The following ITSN1 variants were observed in gnomAD, a reference collection of about 807,000 sequenced individuals.
ITSN1 encodes the protein intersectin 1.
A neutral mutation model predicts 239.8 loss-of-function variants in ITSN1; 58 were observed. The ratio of observed to expected loss-of-function variants is 0.24; its 90% confidence interval spans 0.20 to 0.30. The LOEUF (loss-of-function observed/expected upper bound fraction) is 0.30, where lower values mean the gene tolerates loss of function less well. ITSN1 is among the 10% of genes least tolerant of loss of function. The probability of loss-of-function intolerance (pLI) is 1.00; values close to 1 mark genes in which losing one functional copy is unlikely to be tolerated. For missense variants in ITSN1, 1,558 were observed against 2,103.3 expected (o/e 0.74, Z 5.07); for synonymous variants, 780 against 770.8 (o/e 1.01, Z -0.20).
At chr21:33,654,736 T>C (rs1046374543) in intron 1 of ITSN1, among the ~76,000 whole-genome samples, 1 of 152,214 alleles carries the variant, frequency 6.6e-6, no homozygotes, top group Non-Finnish European at 1.5e-5. Context: ...TTGGGAGTTA[T>C]AAGCAGTTAT....
At position 33,680,285 on chromosome 21, in the gene ITSN1, A is replaced by G. The variant is rs2090864368; in HGVS notation, c.-33+37572A>G. 5.3e-5 allele frequency among the ~76,000 whole-genome samples: 8 copies of G among 150,262 alleles called. No individual in the cohort carries two copies. In the South Asian group the frequency reaches 8.4e-4, roughly 16 times the overall value. ...CTTTCTCTAACTCAGGACAGTGCTG[A>G]GGAATGTTTTCATTGGTGCCGTATT... On this transcript the variant is annotated intron_variant, in intron 1 of 39. Coordinates refer to ENST00000381318, the MANE Select transcript of ITSN1 (RefSeq NM_003024.3).
At chr21:33,803,252 G>C (rs2072148195) in intron 20 of ITSN1, among the ~76,000 whole-genome samples, 1 of 152,178 alleles carries the variant, frequency 6.6e-6, no homozygotes, top group Non-Finnish European at 1.5e-5. Flanking sequence ...CGATTTGGAA[G>C]GCAATTTGGC....
intron 5 of ITSN1, chr21:33,735,487 T>G (rs1228940487): frequency 2.6e-6 from 1 of 382,100 alleles, no homozygotes; most frequent in Non-Finnish European, 4.8e-6. Context: ...CTGGGTTTTT[T>G]TTTTTTTTTC....
At chr21:33,740,895 T>C (rs2066805936) in intron 5 of ITSN1, among the ~76,000 whole-genome samples, 1 of 152,154 alleles carries the variant, frequency 6.6e-6, no homozygotes, top group African/African-American at 2.4e-5. Context: ...TGAGATCCTA[T>C]TTATATTTTT....
rs945501194 is a variant in ITSN1, at chr21:33,856,999, A to G, written c.3783+142A>G. 1.7e-5 allele frequency: 13 copies of G among 752,802 alleles called. No homozygotes were observed. In the African/African-American group the frequency reaches 2.3e-4, roughly 13 times the overall value. 46.6% of individuals were successfully genotyped at this position (752,802 alleles called of 1,614,324 possible). ...GAGGAGCATCTGGATGGCAAATGCTATAGGAGATTGCGACCGCAGAGACGG... is the reference window on the plus strand; with the variant it reads ...GAGGAGCATCTGGATGGCAAATGCTGTAGGAGATTGCGACCGCAGAGACGG... On this transcript the variant is annotated intron_variant, in intron 30 of 39. Coordinates refer to ENST00000381318, the MANE Select transcript of ITSN1 (RefSeq NM_003024.3).
intron 9 of ITSN1, 147 bp downstream of exon 9, chr21:33,762,133 TATA>T: frequency 1.5e-6 from 1 of 658,168 alleles, no homozygotes; most frequent in Non-Finnish European, 2.7e-6. Context: ...TTGCCTCTTT[TATA>T]ATACTATTTC....
At chr21:33,722,504 A>AT in intron 3 of ITSN1, 84 bp from the exon 4 acceptor site, 1 of 1,460,796 alleles carries the variant, frequency 6.8e-7, no homozygotes, top group South Asian at 1.4e-5. Flanking sequence ...CTCTTTGTAA[A>AT]TTTTGTAATT....
At position 33,701,843 on chromosome 21, in the gene ITSN1, G is replaced by A. The variant is rs536027969; in HGVS notation, c.-32-16954G>A. 1.4e-4 allele frequency among the ~76,000 whole-genome samples: 21 copies of A among 151,774 alleles called. No homozygotes were observed. The East Asian group carries it at 3.2e-3, about 23-fold the overall frequency. On this transcript the variant is annotated intron_variant, in intron 1 of 39. Coordinates refer to ENST00000381318, the MANE Select transcript of ITSN1 (RefSeq NM_003024.3). ...AGCACTTTGGGAGGCTGAGGTGGGC[G>A]GATTGCCTGAGCTCAGGAGTTCCAG... is the stretch of plus-strand genomic sequence containing the variant.
At chr21:33,726,825 A>C (rs1601862079) in intron 4 of ITSN1, among the ~76,000 whole-genome samples, 1 of 152,330 alleles carries the variant, frequency 6.6e-6, no homozygotes, top group East Asian at 1.9e-4. Flanking sequence ...TCCAGCAAAG[A>C]AGAGAAGTTT....
At chr21:33,672,062 T>C (rs966249762) in intron 1 of ITSN1, among the ~76,000 whole-genome samples, 4 of 151,896 alleles carry the variant, frequency 2.6e-5, no homozygotes, top group African/African-American at 9.7e-5. Context: ...CTGACCAACA[T>C]GGAGAAACTC....
At chr21:33,811,698 G>A (rs2072928699) in intron 21 of ITSN1, among the ~76,000 whole-genome samples, 1 of 152,120 alleles carries the variant, frequency 6.6e-6, no homozygotes, top group Non-Finnish European at 1.5e-5. Flanking sequence ...TTATACAAAT[G>A]TACAGTAGAA....
Position 33,802,458 on chromosome 21 carries a change from A to G in ITSN1, c.2319+14A>G. 2 of 1,610,328 alleles carry G rather than the reference A, an allele frequency of 1.2e-6. No individual in the cohort carries two copies. The highest frequency in any genetic ancestry group is 1.7e-4 in the Middle Eastern group (1 of 6,058). ...AAAGGGGAATGGGTAAGTGTTGCCT[A>G]ACTGTCAGGAAGTCTGCATCTTATT... On this transcript the variant is annotated intron_variant, in intron 20 of 39. Coordinates refer to ENST00000381318, the MANE Select transcript of ITSN1 (RefSeq NM_003024.3).
At chr21:33,827,200 G>A (rs1206087223) in intron 26 of ITSN1, among the ~76,000 whole-genome samples, 1 of 152,124 alleles carries the variant, frequency 6.6e-6, no homozygotes, top group African/African-American at 2.4e-5. Context: ...AGGAGTTTAA[G>A]ACCAGCCTGG....
At chr21:33,754,569 A>C (rs1389586176) in intron 7 of ITSN1, among the ~76,000 whole-genome samples, 3 of 152,370 alleles carry the variant, frequency 2.0e-5, no homozygotes, top group African/African-American at 7.2e-5. Context: ...TTGTGTGGAC[A>C]GTGGCATCTG....
At chr21:33,690,459 T>G (rs1181483929) in intron 1 of ITSN1, among the ~76,000 whole-genome samples, 1 of 146,256 alleles carries the variant, frequency 6.8e-6, no homozygotes, top group African/African-American at 2.5e-5. Flanking sequence ...AAGTAGCCGG[T>G]CATGGTGGCG....
chr21:33,672,984 C>T (rs964825965), intron 1 of ITSN1, among the ~76,000 whole-genome samples: 2 of 152,122 alleles, frequency 1.3e-5, no homozygotes, highest in Non-Finnish European at 2.9e-5. Flanking sequence ...GGTAGGATTA[C>T]GGGCGGGAGG....
At chr21:33,872,480 ATAAAATGGTAGTTTTTG>A (rs1441600248) in intron 33 of ITSN1, among the ~76,000 whole-genome samples, 1 of 152,364 alleles carries the variant, frequency 6.6e-6, no homozygotes, top group Middle Eastern at 3.4e-3. Context: ...ATAGTACAGT[ATAAAATGGTAGTTTTTG>A]TAAAATGGTA....
intron 27 of ITSN1, among the ~76,000 whole-genome samples, chr21:33,832,749 A>G (rs187959620): frequency 9.2e-5 from 14 of 152,358 alleles, no homozygotes; most frequent in African/African-American, 2.6e-4. Flanking sequence ...GATGGAATCT[A>G]TCAGACCTCA....
intron 34 of ITSN1, among the ~76,000 whole-genome samples, chr21:33,880,319 G>T (rs1477225370): frequency 6.6e-6 from 1 of 152,230 alleles, no homozygotes; most frequent in Non-Finnish European, 1.5e-5. Context: ...GAATGAACGA[G>T]AGCACCTTTA....
Sources: gnomAD v4.1 joint callset for allele counts (sites outside exome capture counted in the v4.1 genomes callset) on GRCh38, gnomAD v4.1.1 for gene constraint, MANE v1.5 for transcripts, NCBI Gene and HGNC (gene_info 2026-07-23, HGNC 2026-07-21) for gene names.